ZNF804B: variants seen among roughly 807,000 people sequenced by gnomAD.
ZNF804B encodes the protein zinc finger 804B.
A neutral mutation model predicts 101.4 loss-of-function variants in ZNF804B; 80 were observed. The observed-to-expected ratio is 0.79, with a 90% CI of 0.66 to 0.95. The LOEUF is 0.95. Ranked by LOEUF, ZNF804B falls within the 40% of genes least tolerant of loss-of-function variation. The pLI, the probability that ZNF804B is intolerant of heterozygous loss-of-function variation, is 0.00. For synonymous variants in ZNF804B, 622 were observed against 558.8 expected (o/e 1.11, Z -1.59); for missense variants, 1,673 against 1,561.9 (o/e 1.07, Z -1.20).
chr7:89,103,112 A>C (rs1207383372), intron 1 of ZNF804B, among the ~76,000 whole-genome samples: 1 of 123,540 alleles, frequency 8.1e-6, no homozygotes, highest in Non-Finnish European at 1.6e-5. Context: ...GGTTATAATA[A>C]ACTTGTAGTA....
At chr7:89,226,222 G>A (rs1439847032) in intron 2 of ZNF804B, among the ~76,000 whole-genome samples, 1 of 152,020 alleles carries the variant, frequency 6.6e-6, no homozygotes, top group Non-Finnish European at 1.5e-5. Context: ...TTATGAAAAG[G>A]CTTAAATTTA....
intron 1 of ZNF804B, among the ~76,000 whole-genome samples, chr7:88,886,813 T>G (rs1792134961): frequency 6.6e-6 from 1 of 151,750 alleles, no homozygotes; most frequent in Non-Finnish European, 1.5e-5. Flanking sequence ...TAATAGACTT[T>G]TTATCAAAAC....
intron 1 of ZNF804B, among the ~76,000 whole-genome samples, chr7:89,009,344 T>C (rs1788417863): frequency 1.3e-5 from 2 of 152,202 alleles, no homozygotes; most frequent in Non-Finnish European, 2.9e-5. Flanking sequence ...TTGAATCAAA[T>C]ATATGTATCC....
At chr7:88,854,801 G>T (rs1791530937) in intron 1 of ZNF804B, among the ~76,000 whole-genome samples, 1 of 121,096 alleles carries the variant, frequency 8.3e-6, no homozygotes, top group Non-Finnish European at 1.6e-5. Flanking sequence ...TCCCCTTCCT[G>T]TGTCCATGTG....
intron 1 of ZNF804B, among the ~76,000 whole-genome samples, chr7:89,200,918 TC>T (rs1044632984): frequency 6.6e-6 from 1 of 151,974 alleles, no homozygotes; most frequent in African/African-American, 2.4e-5. Flanking sequence ...ATGTTTTACT[TC>T]CCCTTTTTTC....
intron 1 of ZNF804B, among the ~76,000 whole-genome samples, chr7:89,019,901 G>A (rs1202639306): frequency 6.6e-6 from 1 of 152,026 alleles, no homozygotes; most frequent in Admixed American, 6.6e-5. Context: ...TATTTATTCA[G>A]CCAGTGGATA....
At chr7:89,309,783 A>C (rs1790621901) in intron 2 of ZNF804B, among the ~76,000 whole-genome samples, 1 of 145,528 alleles carries the variant, frequency 6.9e-6, no homozygotes, top group Non-Finnish European at 1.5e-5. Context: ...AAAAAAAAAA[A>C]AAAAAAAAAA....
chr7:88,873,619 T>C (rs572844421), intron 1 of ZNF804B, among the ~76,000 whole-genome samples: 1 of 152,216 alleles, frequency 6.6e-6, no homozygotes, highest in Non-Finnish European at 1.5e-5. Context: ...TGTTTAAGTC[T>C]TTAATCCATC....
intron 2 of ZNF804B, among the ~76,000 whole-genome samples, chr7:89,288,958 ATAT>A (rs1281766473): frequency 6.6e-6 from 1 of 152,212 alleles, no homozygotes; most frequent in East Asian, 1.9e-4. Context: ...GAAAAGCAAA[ATAT>A]TATTAAAAGT....
intron 1 of ZNF804B, among the ~76,000 whole-genome samples, chr7:88,954,555 G>GCC (rs10646255): frequency 0.21 from 30,729 of 148,430 alleles, 3,390 homozygotes; most frequent in Middle Eastern, 0.27. Flanking sequence ...TCTAAAACAT[G>GCC]CCCCCCCCCC....
At chr7:88,976,125 C>T (rs551754034) in intron 1 of ZNF804B, among the ~76,000 whole-genome samples, 1 of 151,460 alleles carries the variant, frequency 6.6e-6, no homozygotes, top group Non-Finnish European at 1.5e-5. Context: ...TTCCATTGGT[C>T]TGTAGCATAA....
intron 1 of ZNF804B, among the ~76,000 whole-genome samples, chr7:89,067,794 T>C (rs1044336253): frequency 6.6e-6 from 1 of 151,674 alleles, no homozygotes; most frequent in African/African-American, 2.4e-5. Flanking sequence ...TTTAGGCACA[T>C]TTCCAAACTA....
At chr7:88,780,015 A>G (rs933003715) in intron 1 of ZNF804B, among the ~76,000 whole-genome samples, 4 of 152,236 alleles carry the variant, frequency 2.6e-5, no homozygotes, top group Non-Finnish European at 5.9e-5. Context: ...AAGTAAAAGT[A>G]AAATTTGGGT....
At chr7:89,063,416 C>G (rs565278374) in intron 1 of ZNF804B, among the ~76,000 whole-genome samples, 2 of 152,238 alleles carry the variant, frequency 1.3e-5, no homozygotes, top group Admixed American at 1.3e-4. Context: ...AGGAACCTAG[C>G]TCAAATGTAA....
chr7:88,812,752 C>A (rs769275279), intron 1 of ZNF804B, among the ~76,000 whole-genome samples: 1 of 152,176 alleles, frequency 6.6e-6, no homozygotes, highest in Middle Eastern at 3.4e-3. Flanking sequence ...CACACTACAA[C>A]ACGAATGAAC....
chr7:89,019,558 C>G (rs1040107549), intron 1 of ZNF804B, among the ~76,000 whole-genome samples: 1 of 151,970 alleles, frequency 6.6e-6, no homozygotes, highest in African/African-American at 2.4e-5. Flanking sequence ...ATGAGCTATC[C>G]AATTCTGAAA....
At chr7:88,984,980 A>G (rs1443734048) in intron 1 of ZNF804B, among the ~76,000 whole-genome samples, 2 of 152,094 alleles carry the variant, frequency 1.3e-5, no homozygotes, top group African/African-American at 2.4e-5. Flanking sequence ...AAAGAAACAA[A>G]TAAAAAGTAA....
At chr7:89,053,234 T>A (rs1164523455) in intron 1 of ZNF804B, among the ~76,000 whole-genome samples, 1 of 152,130 alleles carries the variant, frequency 6.6e-6, no homozygotes, top group Non-Finnish European at 1.5e-5. Flanking sequence ...AAACTACACT[T>A]TTATTGCTTT....
intron 1 of ZNF804B, among the ~76,000 whole-genome samples, chr7:88,837,328 A>G (rs981763376): frequency 7.2e-5 from 11 of 152,010 alleles, no homozygotes; most frequent in Admixed American, 5.9e-4. Flanking sequence ...GTCAAATGAA[A>G]TCGAAATTTT....
Sources: allele counts gnomAD v4.1 joint callset (sites outside exome capture counted in the v4.1 genomes callset), GRCh38; gene constraint gnomAD v4.1.1; transcripts MANE v1.5; gene names NCBI Gene and HGNC (gene_info 2026-07-23, HGNC 2026-07-21).